The following TMEM132B variants were observed in gnomAD, a reference collection of about 807,000 sequenced individuals.
TMEM132B encodes the protein transmembrane protein 132B.
A neutral mutation model predicts 90.8 loss-of-function variants in TMEM132B; 18 were observed. The observed-to-expected ratio is 0.20, with a 90% confidence interval of 0.14 to 0.29. TMEM132B has a LOEUF of 0.29. TMEM132B is among the 10% of genes least tolerant of loss of function. TMEM132B has a pLI of 1.00. For missense variants in TMEM132B, 1,096 were observed against 1,326.8 expected, an observed-to-expected ratio of 0.83 and a Z score of 2.70; for synonymous variants, 504 against 523.3, an observed-to-expected ratio of 0.96 and a Z score of 0.50.
chr12:125,456,118 G>A (rs1474471484), intron 3 of TMEM132B, among the ~76,000 whole-genome samples: 1 of 152,166 alleles, frequency 6.6e-6, no homozygotes, highest in Admixed American at 6.5e-5. Flanking sequence ...GACCCTTAGA[G>A]TGGAGCACCC....
At chr12:125,475,734 T>C (rs1044398047) in intron 3 of TMEM132B, among the ~76,000 whole-genome samples, 6 of 152,184 alleles carry the variant, frequency 3.9e-5, no homozygotes, top group African/African-American at 1.2e-4. Context: ...GAGTTAATAC[T>C]CCTTAATAAA....
chr12:125,215,439 C>A (rs1873411784), intron 1 of TMEM132B, among the ~76,000 whole-genome samples: 1 of 152,106 alleles, frequency 6.6e-6, no homozygotes, highest in Admixed American at 6.5e-5. Flanking sequence ...TGGTTTGTGG[C>A]CCCTTCTTCA....
intron 2 of TMEM132B, among the ~76,000 whole-genome samples, chr12:125,403,383 A>G (rs1185050068): frequency 6.6e-6 from 1 of 152,194 alleles, no homozygotes; most frequent in African/African-American, 2.4e-5. Context: ...AACTCGTTGT[A>G]TGCTACTGCC....
intron 5 of TMEM132B, among the ~76,000 whole-genome samples, chr12:125,624,719 T>TA (rs1463558310): frequency 6.6e-6 from 1 of 152,240 alleles, no homozygotes; most frequent in African/African-American, 2.4e-5. Flanking sequence ...TTCACGATCT[T>TA]ACTAGAGTCC....
intron 1 of TMEM132B, among the ~76,000 whole-genome samples, chr12:125,270,689 C>T (rs144010509): frequency 1.3e-5 from 2 of 151,680 alleles, no homozygotes; most frequent in East Asian, 2.0e-4. Context: ...ACTCCGTCTG[C>T]CAAACCCCAT....
At chr12:125,523,479 A>G (rs185811671) in intron 4 of TMEM132B, among the ~76,000 whole-genome samples, 206 of 152,090 alleles carry the variant, frequency 1.4e-3, no homozygotes, top group Non-Finnish European at 2.3e-3. Context: ...GAGATAATTC[A>G]GGATAATCTC....
At chr12:125,464,520 G>A (rs554333523) in intron 3 of TMEM132B, among the ~76,000 whole-genome samples, 3 of 152,192 alleles carry the variant, frequency 2.0e-5, no homozygotes, top group African/African-American at 7.2e-5. Context: ...TGATGGGCTT[G>A]TGGGCTTCTC....
intron 1 of TMEM132B, among the ~76,000 whole-genome samples, chr12:125,244,206 T>C (rs1311324193): frequency 1.3e-5 from 2 of 152,222 alleles, no homozygotes; most frequent in Non-Finnish European, 2.9e-5. Flanking sequence ...TAAATAATGT[T>C]GCCACGAACA....
chr12:125,401,531 T>A (rs914869450), intron 2 of TMEM132B, among the ~76,000 whole-genome samples: 5 of 152,134 alleles, frequency 3.3e-5, no homozygotes, highest in African/African-American at 1.2e-4. Flanking sequence ...GAATGAGTCA[T>A]GGTGGTGTCT....
In TMEM132B at chr12:125,272,428, T is replaced by C. The variant is rs139489302; in HGVS notation, c.68-77024T>C. Reference sequence around the variant, plus strand: ...GGGAAATTCCCATTTAGGCAAAAACTCCCTCTTCGGTCCAGCGATTGGCAA... The same window carrying C: ...GGGAAATTCCCATTTAGGCAAAAACCCCCTCTTCGGTCCAGCGATTGGCAA... On this transcript the variant is annotated intron_variant, in intron 1 of 8. Coordinates refer to ENST00000682704, the MANE Select transcript of TMEM132B (RefSeq NM_001366854.1). Among the ~76,000 whole-genome samples, 1,176 of 152,218 alleles carry C rather than the reference T, an allele frequency of 7.7e-3. 13 individuals carry two copies. Among genetic ancestry groups the C allele is most frequent in the African/African-American group, 0.025 (1,055 of 41,546 alleles).
intron 2 of TMEM132B, among the ~76,000 whole-genome samples, chr12:125,402,339 A>G (rs774999223): frequency 2.0e-5 from 3 of 152,082 alleles, no homozygotes; most frequent in Non-Finnish European, 4.4e-5. Flanking sequence ...ACAGGCAACC[A>G]CCACCACGCC....
chr12:125,405,642 TGAG>T (rs1879450182), intron 2 of TMEM132B, among the ~76,000 whole-genome samples: 1 of 152,090 alleles, frequency 6.6e-6, no homozygotes, highest in South Asian at 2.1e-4. Context: ...GGCTCAGAAA[TGAG>T]GACCCCTACA....
chr12:125,605,826 C>T (rs1337339016), intron 5 of TMEM132B, among the ~76,000 whole-genome samples: 8 of 151,972 alleles, frequency 5.3e-5, no homozygotes, highest in African/African-American at 1.5e-4. Flanking sequence ...AGATCCAAGC[C>T]GACTGACTGA....
intron 1 of TMEM132B, among the ~76,000 whole-genome samples, chr12:125,212,974 C>T (rs948070832): frequency 1.3e-5 from 2 of 152,014 alleles, no homozygotes; most frequent in African/African-American, 2.4e-5. Context: ...TGTACAAGTC[C>T]GTGGCATTTG....
At chr12:125,193,214 T>A (rs1277599178) in intron 1 of TMEM132B, among the ~76,000 whole-genome samples, 1 of 152,082 alleles carries the variant, frequency 6.6e-6, no homozygotes, top group Non-Finnish European at 1.5e-5. Context: ...AACTGTTGAG[T>A]GAGGGGTAGG....
At chr12:125,195,394 GTTTT>G (rs36005995) in intron 1 of TMEM132B, among the ~76,000 whole-genome samples, 4 of 89,906 alleles carry the variant, frequency 4.4e-5, no homozygotes, top group African/African-American at 8.4e-5. Context: ...GGGTTTGCGG[GTTTT>G]TTTTTTTTTT....
intron 3 of TMEM132B, among the ~76,000 whole-genome samples, chr12:125,435,881 C>T (rs969786105): frequency 4.0e-5 from 6 of 151,280 alleles, no homozygotes; most frequent in African/African-American, 1.5e-4. Context: ...ACCAGGGCAG[C>T]AGGGAGGCCT....
intron 3 of TMEM132B, among the ~76,000 whole-genome samples, chr12:125,449,289 T>C (rs1881088918): frequency 6.6e-6 from 1 of 152,164 alleles, no homozygotes; most frequent in Non-Finnish European, 1.5e-5. Flanking sequence ...TTTGAGGAAA[T>C]ATCTGGTCAG....
intron 1 of TMEM132B, among the ~76,000 whole-genome samples, chr12:125,225,577 A>C (rs557296034): frequency 6.6e-6 from 1 of 152,296 alleles, no homozygotes; most frequent in African/African-American, 2.4e-5. Context: ...GACTGCTCTA[A>C]CAAACAACTC....
Sources: gnomAD v4.1 joint callset for allele counts (sites outside exome capture counted in the v4.1 genomes callset) on GRCh38, gnomAD v4.1.1 for gene constraint, MANE v1.5 for transcripts, NCBI Gene and HGNC (gene_info 2026-07-23, HGNC 2026-07-21) for gene names.